PRRC2B: variants seen among roughly 807,000 people sequenced by gnomAD.
The protein encoded by PRRC2B is protein PRRC2B.
Under a neutral mutation model 242.3 loss-of-function variants are expected in PRRC2B, and 68 were observed. The observed-to-expected ratio is 0.28, with a 90% CI of 0.23 to 0.34. The LOEUF is 0.34. Ranked by LOEUF, PRRC2B falls within the 10% of genes least tolerant of loss-of-function variation. The probability of loss-of-function intolerance (pLI) is 1.00; values close to 1 mark genes in which losing one functional copy is unlikely to be tolerated. For synonymous variants in PRRC2B, 1,228 were observed against 1,173.6 expected (o/e 1.05, Z -0.95); for missense variants, 2,835 against 2,954.8 (o/e 0.96, Z 0.94).
Position 131,494,022 on chromosome 9 carries a change from A to C in PRRC2B, c.6474-383A>C, listed in dbSNP as rs1014906919. On this transcript the variant is annotated intron_variant, in intron 30 of 31. Coordinates refer to ENST00000683519, the MANE Select transcript of PRRC2B (RefSeq NM_013318.4). The surrounding 1 kb of genome is among the most constrained non-coding windows in gnomAD (Gnocchi z 4.3). The stretch of plus-strand genomic sequence containing the variant: ...ACAATACTCGGCACAGTTCTGGCTC[A>C]GCGTCAGGCTTCTAGGCCTTTTGTC... 6.6e-6 allele frequency among the ~76,000 whole-genome samples: 1 copy of C among 152,236 alleles called. No homozygotes were observed. Among genetic ancestry groups the C allele is most frequent in the African/African-American group, 2.4e-5 (1 of 41,460 alleles).
At chr9:131,491,628 C>T in intron 29 of PRRC2B, 48 bp downstream of exon 29, 4 of 1,519,858 alleles carry the variant, frequency 2.6e-6, no homozygotes, top group Non-Finnish European at 3.5e-6. Flanking sequence ...GGCCTTGTGT[C>T]ACCAACTTTT....
chr9:131,420,504 T>TCTTTC (rs1364794312), intron 1 of PRRC2B, among the ~76,000 whole-genome samples: 3 of 104,098 alleles, frequency 2.9e-5, no homozygotes, highest in African/African-American at 1.1e-4. Flanking sequence ...TTTTTTTTTT[T>TCTTTC]TTTTTTGAGA....
chr9:131,407,590 A>G (rs935244181), intron 1 of PRRC2B, among the ~76,000 whole-genome samples: 1 of 152,178 alleles, frequency 6.6e-6, no homozygotes, highest in Non-Finnish European at 1.5e-5. Flanking sequence ...TTGGAGGAGA[A>G]GTCATGCACG....
At chr9:131,430,041 CTTT>C (rs878925675) in intron 1 of PRRC2B, 50 bp from the exon 2 acceptor site, 35 of 459,824 alleles carry the variant, frequency 7.6e-5, no homozygotes, top group African/African-American at 6.8e-4. Context: ...TAGTGACACT[CTTT>C]TTTTTTTTTC....
chr9:131,400,376 C>A (rs1249284775), intron 1 of PRRC2B, among the ~76,000 whole-genome samples: 1 of 151,726 alleles, frequency 6.6e-6, no homozygotes, highest in Non-Finnish European at 1.5e-5. Context: ...TGGAGTGCAG[C>A]CGTGCGATCT....
intron 22 of PRRC2B, 146 bp downstream of exon 22, chr9:131,483,053 G>A (rs1943915983): frequency 1.0e-6 from 1 of 968,778 alleles, no homozygotes. Context: ...GTGTTGGTGT[G>A]GAGTCCTGCA....
At chr9:131,467,826 C>T in intron 13 of PRRC2B, 73 bp downstream of exon 13, 2 of 1,466,944 alleles carry the variant, frequency 1.4e-6, no homozygotes, top group East Asian at 2.3e-5. Flanking sequence ...CCTCCTCGTC[C>T]CCATGCCCCA....
At chr9:131,485,637 G>T (rs750459896) in intron 25 of PRRC2B, 3 of 534,060 alleles carry the variant, frequency 5.6e-6, no homozygotes, top group Admixed American at 3.8e-5. Flanking sequence ...AAGGGGAAGC[G>T]TGGGGGTTTT....
intron 1 of PRRC2B, among the ~76,000 whole-genome samples, chr9:131,402,259 G>A (rs1837247709): frequency 1.3e-5 from 2 of 152,188 alleles, no homozygotes; most frequent in Non-Finnish European, 2.9e-5. Context: ...TGGTGGCAAT[G>A]TTGAGCCACC....
intron 13 of PRRC2B, 38 bp from the exon 14 acceptor site, chr9:131,470,750 G>C: frequency 1.3e-6 from 2 of 1,573,838 alleles, no homozygotes; most frequent in East Asian, 4.6e-5. Flanking sequence ...GTCCCTGGCC[G>C]CACCAGCCTG....
At chr9:131,465,799 A>G (rs1420143278) in intron 12 of PRRC2B, among the ~76,000 whole-genome samples, 1 of 151,992 alleles carries the variant, frequency 6.6e-6, no homozygotes, top group African/African-American at 2.4e-5. Flanking sequence ...ATCTCTGCTC[A>G]CTGCAACCTC....
intron 30 of PRRC2B, among the ~76,000 whole-genome samples, 157 bp downstream of exon 30, chr9:131,492,417 C>T (rs1944222039): frequency 6.6e-6 from 1 of 152,170 alleles, no homozygotes; most frequent in Admixed American, 6.5e-5. Flanking sequence ...CTGGGATGCA[C>T]TTGTGTTCCA....
At chr9:131,385,873 G>T (rs2478848) in intron 1 of PRRC2B, among the ~76,000 whole-genome samples, 91,572 of 149,030 alleles carry the variant, frequency 0.61, 30,741 homozygotes, top group East Asian at 0.9. Flanking sequence ...TTTTGTATTT[G>T]TAGTAGAGAT....
At chr9:131,465,964 A>T (rs1396194548) in intron 12 of PRRC2B, among the ~76,000 whole-genome samples, 1 of 152,210 alleles carries the variant, frequency 6.6e-6, no homozygotes, top group East Asian at 1.9e-4. Flanking sequence ...GCCTCAAGTG[A>T]TCCACCTGGC....
chr9:131,392,348 C>T (rs1051252944), upstream of PRRC2B, among the ~76,000 whole-genome samples: 2 of 152,132 alleles, frequency 1.3e-5, no homozygotes, highest in South Asian at 2.1e-4. Flanking sequence ...CCACCTGCCT[C>T]GACCTACCAA....
chr9:131,447,858 C>T (rs1838854423), intron 9 of PRRC2B, 54 bp downstream of exon 9: 1 of 1,540,586 alleles, frequency 6.5e-7, no homozygotes, highest in Non-Finnish European at 8.8e-7. Flanking sequence ...TCCATATGTA[C>T]TTACCAGGGA....
chr9:131,424,808 G>C (rs1264733030), intron 1 of PRRC2B, among the ~76,000 whole-genome samples: 1 of 152,238 alleles, frequency 6.6e-6, no homozygotes, highest in East Asian at 1.9e-4. Context: ...GTGATTGGAA[G>C]GGGTGGAAAA....
At chr9:131,412,624 T>C (rs776324753) in intron 1 of PRRC2B, among the ~76,000 whole-genome samples, 21 of 152,258 alleles carry the variant, frequency 1.4e-4, no homozygotes, top group Non-Finnish European at 2.4e-4. Flanking sequence ...CTGCTGACGC[T>C]GTAAAGATGT....
chr9:131,490,586 G>GC (rs751321542), intron 28 of PRRC2B: 7 of 518,868 alleles, frequency 1.3e-5, no homozygotes, highest in East Asian at 5.4e-5. Flanking sequence ...AAGTGGCCCA[G>GC]CCCCCCTACC....
Sources: allele counts gnomAD v4.1 joint callset (sites outside exome capture counted in the v4.1 genomes callset), GRCh38; gene constraint gnomAD v4.1.1; non-coding constraint Gnocchi (gnomAD v3.1); transcripts MANE v1.5; gene names NCBI Gene and HGNC (gene_info 2026-07-23, HGNC 2026-07-21).